CDK14: variants seen among roughly 807,000 people sequenced by gnomAD.
The protein encoded by CDK14 is cyclin dependent kinase 14.
Under a neutral mutation model 60.7 loss-of-function variants are expected in CDK14, and 34 were observed. The observed-to-expected ratio is 0.56, with a 90% confidence interval of 0.43 to 0.75. The LOEUF (loss-of-function observed/expected upper bound fraction) is 0.75. Among genes scored for constraint, CDK14 ranks in the 30% least tolerant of loss-of-function variants. The pLI, the probability that CDK14 is intolerant of heterozygous loss-of-function variation, is 0.00. For missense variants in CDK14, 482 were observed against 564.1 expected (o/e 0.85, Z 1.47); for synonymous variants, 197 against 203.7 (o/e 0.97, Z 0.28).
At position 90,726,728 on chromosome 7, in the gene CDK14, T is replaced by C. The variant is rs778227720; in HGVS notation, c.285T>C (p.Ser95=). Residue 95 remains serine (S), a synonymous_variant, in exon 3 of 15, where the codon TCT becomes TCC. Coordinates refer to ENST00000380050, the MANE Select transcript of CDK14 (RefSeq NM_001287135.2). ...CTAATCAAGTAAAGAGGGTGCATTC[T>C]GAGAACAATGCTTGCATTAACTTTA... The part of the protein sequence containing the change: ...KPANQVKRVH[S]ENNACINFKT... The C allele has an allele frequency of 1.2e-6, 2 of 1,613,872 alleles. No homozygotes were observed. Among genetic ancestry groups the C allele is most frequent in the Non-Finnish European group, 8.5e-7 (1 of 1,179,826 alleles).
intron 2 of CDK14, among the ~76,000 whole-genome samples, chr7:90,657,842 C>A (rs913342968): frequency 3.0e-4 from 45 of 152,296 alleles, no homozygotes; most frequent in African/African-American, 9.9e-4. Flanking sequence ...CTATATGCAA[C>A]AACCCTATAA....
chr7:90,655,847 T>C (rs954730073), intron 2 of CDK14, among the ~76,000 whole-genome samples: 23 of 152,226 alleles, frequency 1.5e-4, no homozygotes, highest in African/African-American at 3.9e-4. Flanking sequence ...CTTTGACTCA[T>C]GCTGAAACAC....
chr7:90,941,362 G>C (rs1198176998), intron 8 of CDK14, among the ~76,000 whole-genome samples: 9 of 152,152 alleles, frequency 5.9e-5, no homozygotes, highest in African/African-American at 1.7e-4. Context: ...CCCACTGCCT[G>C]AATCACTTCC....
At chr7:90,837,924 G>T (rs1314359396) in intron 5 of CDK14, among the ~76,000 whole-genome samples, 1 of 152,114 alleles carries the variant, frequency 6.6e-6, no homozygotes, top group Non-Finnish European at 1.5e-5. Flanking sequence ...TGCAGATCAG[G>T]ATTGTGGTGA....
chr7:91,069,202 A>G (rs746311705), intron 11 of CDK14, among the ~76,000 whole-genome samples: 1 of 152,218 alleles, frequency 6.6e-6, no homozygotes, highest in Non-Finnish European at 1.5e-5. Flanking sequence ...TAACAAAGCA[A>G]TATAAGTCAT....
chr7:90,769,425 G>C (rs1804694082), intron 4 of CDK14, among the ~76,000 whole-genome samples: 1 of 151,668 alleles, frequency 6.6e-6, no homozygotes. Context: ...ACACACAAAG[G>C]AGAAACATTT....
intron 12 of CDK14, among the ~76,000 whole-genome samples, chr7:91,099,400 A>ATAATAACT (rs1799094976): frequency 1.3e-5 from 2 of 152,312 alleles, no homozygotes; most frequent in African/African-American, 4.8e-5. Context: ...ATAAAAAATG[A>ATAATAACT]GAGTTGTCTG....
At chr7:90,811,156 C>T (rs1047877115) in intron 5 of CDK14, among the ~76,000 whole-genome samples, 72 of 152,240 alleles carry the variant, frequency 4.7e-4, no homozygotes, top group African/African-American at 1.5e-3. Context: ...CCCCCATTGC[C>T]AAGTCAATCC....
rs563516388 is a variant in CDK14, at chr7:90,912,375, G to A, written c.703-5226G>A. Among the ~76,000 whole-genome samples the A allele has an allele frequency of 9.0e-4, 137 of 152,038 alleles. 1 individual carries two copies. The highest frequency in any genetic ancestry group is 4.0e-4 in the Non-Finnish European group (27 of 68,008). On this transcript the variant is annotated intron_variant, in intron 7 of 14. Coordinates refer to ENST00000380050, the MANE Select transcript of CDK14 (RefSeq NM_001287135.2). ...ACAAACTTTGATTCACTTAATAAAA[G>A]CACTTTGATTGTATTGGGTGTATAA...
intron 5 of CDK14, among the ~76,000 whole-genome samples, chr7:90,825,128 A>G (rs1397458431): frequency 1.3e-5 from 2 of 152,224 alleles, no homozygotes; most frequent in Non-Finnish European, 2.9e-5. Context: ...CATAAAGAAT[A>G]GGATGATGTA....
intron 6 of CDK14, among the ~76,000 whole-genome samples, chr7:90,866,227 T>TACACATACACACACACACACACACAC (rs1791176424): frequency 1.0e-4 from 8 of 80,178 alleles, no homozygotes; most frequent in Admixed American, 8.8e-4. Flanking sequence ...TACACACACA[T>TACACATACACACACACACACACACAC]ACACATACAC....
chr7:91,117,862 G>A (rs1009033229), intron 13 of CDK14, among the ~76,000 whole-genome samples: 7 of 152,130 alleles, frequency 4.6e-5, no homozygotes, highest in African/African-American at 1.7e-4. Flanking sequence ...CTGTGGTTCT[G>A]AGGGAAAGAC....
intron 8 of CDK14, among the ~76,000 whole-genome samples, chr7:90,940,008 G>A (rs1793869092): frequency 6.6e-6 from 1 of 152,168 alleles, no homozygotes; most frequent in Non-Finnish European, 1.5e-5. Flanking sequence ...GCTGGAGTCG[G>A]GGGGATGTAG....
intron 10 of CDK14, among the ~76,000 whole-genome samples, chr7:91,011,085 C>T (rs1796147045): frequency 6.6e-6 from 1 of 151,896 alleles, no homozygotes; most frequent in African/African-American, 2.4e-5. Context: ...TACTGCTTTG[C>T]AGACAATTTT....
chr7:90,936,660 A>G lies in CDK14; in HGVS notation c.826+18936A>G, dbSNP rs967846828. ...TAATTCCTTAAACCTTTTGATTCTGAAACCTCAGCTTGGGTGCCCTCAGGA... is the reference window on the plus strand; with the variant it reads ...TAATTCCTTAAACCTTTTGATTCTGGAACCTCAGCTTGGGTGCCCTCAGGA... On this transcript the variant is annotated intron_variant, in intron 8 of 14. Coordinates refer to ENST00000380050, the MANE Select transcript of CDK14 (RefSeq NM_001287135.2). Among the ~76,000 whole-genome samples, 5 of 152,220 alleles carry G rather than the reference A, an allele frequency of 3.3e-5. No homozygotes were observed. In the East Asian group the frequency reaches 9.6e-4, roughly 29 times the overall value.
At chr7:90,902,142 C>A (rs35554141) in intron 7 of CDK14, among the ~76,000 whole-genome samples, 50,411 of 151,782 alleles carry the variant, frequency 0.33, 8,716 homozygotes, top group Middle Eastern at 0.45. Flanking sequence ...ATGGATTAGA[C>A]AAATTAGTAT....
intron 10 of CDK14, among the ~76,000 whole-genome samples, chr7:91,033,581 A>C (rs1796827745): frequency 1.3e-5 from 2 of 152,172 alleles, no homozygotes; most frequent in African/African-American, 4.8e-5. Context: ...GGTGGTGGTG[A>C]TGCTGCTAGT....
chr7:91,017,063 T>C (rs1468174156), intron 10 of CDK14, among the ~76,000 whole-genome samples: 1 of 152,244 alleles, frequency 6.6e-6, no homozygotes, highest in Non-Finnish European at 1.5e-5. Flanking sequence ...TTTCTTCACT[T>C]TATCTGCTGG....
At chr7:90,778,388 A>T (rs1439302066) in intron 4 of CDK14, among the ~76,000 whole-genome samples, 10 of 151,928 alleles carry the variant, frequency 6.6e-5, no homozygotes, top group Non-Finnish European at 2.9e-5. Flanking sequence ...CTTTTTTCCC[A>T]TTGCTCTTAC....
Sources: gnomAD v4.1 joint callset for allele counts (sites outside exome capture counted in the v4.1 genomes callset) on GRCh38, gnomAD v4.1.1 for gene constraint, MANE v1.5 for transcripts, NCBI Gene and HGNC (gene_info 2026-07-23, HGNC 2026-07-21) for gene names.